Variants in AR observed in about 807,000 individuals in gnomAD.
AR encodes the protein dihydrotestosterone receptor.
A neutral mutation model predicts 53.9 loss-of-function variants in AR; 8 were observed. That is an observed-to-expected ratio of 0.15 (90% CI 0.09 to 0.27). The LOEUF is 0.27. AR is among the 10% of genes least tolerant of loss of function. The pLI, the probability that AR is intolerant of heterozygous loss-of-function variation, is 1.00. For synonymous variants in AR, 359 were observed against 316.4 expected, an observed-to-expected ratio of 1.13 and a Z score of -1.43; for missense variants, 639 against 742.5, an observed-to-expected ratio of 0.86 and a Z score of 1.62.
chrX:67,698,143 C>T (rs1770829096), intron 3 of AR, among the ~76,000 whole-genome samples: 1 of 112,275 alleles, frequency 8.9e-6, no homozygotes, highest in Non-Finnish European at 1.9e-5. Context: ...CTCTTAACTA[C>T]TACTCTTTAT....
At chrX:67,612,287 T>G (rs765235933) in intron 1 of AR, among the ~76,000 whole-genome samples, 1 of 112,282 alleles carries the variant, frequency 8.9e-6, no homozygotes. Context: ...TTAAACTGTT[T>G]GGGACTTCAG....
At chrX:67,632,471 T>A (rs1211197144) in intron 1 of AR, among the ~76,000 whole-genome samples, 1 of 112,541 alleles carries the variant, frequency 8.9e-6, no homozygotes, top group African/African-American at 3.2e-5. Flanking sequence ...GCTTCCCGAG[T>A]GAGGCAATGC....
chrX:67,675,629 C>A (rs925889282), intron 2 of AR, among the ~76,000 whole-genome samples: 1 of 111,761 alleles, frequency 8.9e-6, no homozygotes, highest in Non-Finnish European at 1.9e-5. Context: ...TCTCCCAAGC[C>A]TGCTCTGAAC....
intron 1 of AR, among the ~76,000 whole-genome samples, chrX:67,551,001 G>GT (rs1213943835): frequency 0.054 from 4,106 of 76,451 alleles, 366 homozygotes; most frequent in African/African-American, 0.21. Flanking sequence ...GAATAGCTGG[G>GT]TTTTTTTTTT....
intron 3 of AR, chrX:67,689,443 G>A (rs917498696): frequency 2.2e-6 from 1 of 453,044 alleles, no homozygotes; most frequent in African/African-American, 2.7e-5. Flanking sequence ...TCTCTATAGT[G>A]TTTCATTCAC....
In AR at chrX:67,726,215, G is replaced by A. The variant is rs2076157036; in HGVS notation, c.*2374G>A. ...AAGACTGCTGGAGAAAACTAAAGCT[G>A]ACAGGTTCCCTTTTTGGGGTGGGAT... On this transcript the variant is annotated 3_prime_UTR_variant, in exon 8 of 8. Coordinates refer to ENST00000374690, the MANE Select transcript of AR (RefSeq NM_000044.6). 3 of 173,846 alleles carry A rather than the reference G, an allele frequency of 1.7e-5. No homozygotes were observed. Among genetic ancestry groups the A allele is most frequent in the Non-Finnish European group, 3.3e-5 (3 of 91,262 alleles). The allele number at this position is 173,846 out of a possible 1,213,427, so 14.3% of individuals were successfully genotyped here.
intron 2 of AR, among the ~76,000 whole-genome samples, chrX:67,661,804 G>C (rs190138593): frequency 2.7e-5 from 3 of 111,571 alleles, no homozygotes; most frequent in African/African-American, 9.8e-5. Context: ...GGATTCAGCT[G>C]TGAATCCATC....
At chrX:67,599,132 T>G (rs189704415) in intron 1 of AR, among the ~76,000 whole-genome samples, 167 of 112,160 alleles carry the variant, frequency 1.5e-3, no homozygotes, top group African/African-American at 5.3e-3. Context: ...TGTGTGGCAT[T>G]ACTTGCTCCT....
intron 1 of AR, among the ~76,000 whole-genome samples, chrX:67,635,007 CCT>C (rs1309398784): frequency 1.9e-5 from 2 of 107,400 alleles, no homozygotes; most frequent in African/African-American, 7.1e-5. Context: ...TGTCTCTTCC[CCT>C]CTCTCTCCCT....
In AR at chrX:67,631,821, TG is replaced by T. The variant is rs771229064; in HGVS notation, c.1617-11433del. On this transcript the variant is annotated intron_variant, in intron 1 of 7. Transcript: ENST00000374690. ...GTGATGTACAGATGGGTTTTTGGTG[TG>T]GATGTCCTTTCTGTTTTTTAGTTTT... Among the ~76,000 whole-genome samples the T allele has an allele frequency of 4.3e-4, 48 of 112,360 alleles. 2 individuals are homozygous for T. The South Asian group carries it at 4.8e-3, about 11-fold the overall frequency.
At chrX:67,668,487 CAT>C in intron 2 of AR, among the ~76,000 whole-genome samples, 1 of 110,726 alleles carries the variant, frequency 9.0e-6, no homozygotes, top group Non-Finnish European at 1.9e-5. Context: ...GGGATTTTTG[CAT>C]CAGTGTTTAT....
chrX:67,677,228 T>C (rs2075905515), intron 2 of AR, among the ~76,000 whole-genome samples: 1 of 111,919 alleles, frequency 8.9e-6, no homozygotes, highest in East Asian at 2.8e-4. Flanking sequence ...GATACTACTA[T>C]TCTTTAGGAA....
At chrX:67,583,879 C>T (rs1042323328) in intron 1 of AR, among the ~76,000 whole-genome samples, 1 of 111,724 alleles carries the variant, frequency 9.0e-6, no homozygotes, top group African/African-American at 3.3e-5. Flanking sequence ...TGTCTGACCC[C>T]TAGAAAATCC....
At chrX:67,709,734 C>T (rs921465121) in intron 3 of AR, among the ~76,000 whole-genome samples, 8 of 112,174 alleles carry the variant, frequency 7.1e-5, no homozygotes, top group Non-Finnish European at 9.4e-5. Context: ...GCGTCACTCA[C>T]GCTGGGAGCT....
At chrX:67,696,089 T>A in intron 3 of AR, 1 of 750,192 alleles carries the variant, frequency 1.3e-6, no homozygotes, top group Admixed American at 8.6e-5. Flanking sequence ...CGTATTTTCT[T>A]ATTTACAACA....
chrX:67,700,564 A>T (rs2076038370), intron 3 of AR, among the ~76,000 whole-genome samples: 1 of 111,559 alleles, frequency 9.0e-6, no homozygotes, highest in African/African-American at 3.3e-5. Flanking sequence ...AAGCCAGAAC[A>T]CCTGGTGCAG....
At chrX:67,626,898 G>C (rs1183377876) in intron 1 of AR, among the ~76,000 whole-genome samples, 2 of 100,276 alleles carry the variant, frequency 2.0e-5, no homozygotes, top group Non-Finnish European at 4.0e-5. Flanking sequence ...TTTTGTTCTT[G>C]CGATAGTTTA....
intron 2 of AR, among the ~76,000 whole-genome samples, chrX:67,660,118 T>C (rs1869823038): frequency 8.9e-6 from 1 of 112,010 alleles, no homozygotes; most frequent in Non-Finnish European, 1.9e-5. Flanking sequence ...ATATTACCCT[T>C]TGTCAGATGA....
chrX:67,618,843 G>A (rs752389915), intron 1 of AR, among the ~76,000 whole-genome samples: 14 of 111,264 alleles, frequency 1.3e-4, no homozygotes, highest in Non-Finnish European at 2.5e-4. Context: ...ACAGGGGCAT[G>A]AAAAAGCAAG....
Sources: gnomAD v4.1 joint callset for allele counts (sites outside exome capture counted in the v4.1 genomes callset) on GRCh38, gnomAD v4.1.1 for gene constraint, MANE v1.5 for transcripts, NCBI Gene and HGNC (gene_info 2026-07-23, HGNC 2026-07-21) for gene names.